The following F7 variants were observed in gnomAD, a reference collection of about 807,000 sequenced individuals.
The protein encoded by F7 is coagulation factor VII.
In F7, 38 loss-of-function variants were observed where a neutral mutation model predicts 47.5. The observed-to-expected ratio is 0.80, with a 90% CI of 0.62 to 1.05. The LOEUF is 1.05. F7 is among the 50% of genes least tolerant of loss of function. The pLI, the probability that F7 is intolerant of heterozygous loss-of-function variation, is 0.00. For missense variants in F7, 575 were observed against 605.4 expected, an observed-to-expected ratio of 0.95 and a Z score of 0.53; for synonymous variants, 244 against 258.5, an observed-to-expected ratio of 0.94 and a Z score of 0.54.
chr13:113,116,793 T>TGAA lies in F7; in HGVS notation c.533_534insGAA (p.Ile178delinsMetAsn). On this transcript the variant is annotated protein_altering_variant, in exon 6 of 8. Transcript: ENST00000346342. ...GAATATCCATGTGGAAAAATACCTA[T>TGAA]TCTAGAAAAAAGAAATGCCAGCAAA... The TGAA allele has an allele frequency of 6.2e-7, 1 of 1,613,894 alleles. No individual in the cohort carries two copies. Among genetic ancestry groups the TGAA allele is most frequent in the Non-Finnish European group, 8.5e-7 (1 of 1,179,946 alleles).
At chr13:113,116,625 G>A in intron 5 of F7, 141 bp from the exon 6 acceptor site, 1 of 714,182 alleles carries the variant, frequency 1.4e-6, no homozygotes, top group Non-Finnish European at 2.5e-6. Context: ...CCACCCCTGG[G>A]CCCTGGGAGC....
In F7 at chr13:113,119,257, T is replaced by C; in HGVS notation, c.*249T>C. 3.6e-6 allele frequency: 2 copies of C among 549,214 alleles called. No individual in the cohort carries two copies. The highest frequency in any genetic ancestry group is 3.0e-5 in the East Asian group (1 of 33,196). The allele number at this position is 549,214 out of a possible 1,614,324, so 34.0% of individuals were successfully genotyped here. A position where few individuals can be genotyped will look rare whatever the true frequency, so the allele number is the denominator to read the frequency against. Reference sequence around the variant, plus strand: ...AAAGAGACTAATAGAGACACAGAGATGGAATAGAAAAGATGAGAGGCAGAG... The same window carrying C: ...AAAGAGACTAATAGAGACACAGAGACGGAATAGAAAAGATGAGAGGCAGAG... On this transcript the variant is annotated 3_prime_UTR_variant, in exon 8 of 8. Transcript: ENST00000346342.
At chr13:113,110,588 G>A in intron 1 of F7, 102 bp from the exon 2 acceptor site, 3 of 1,483,032 alleles carry the variant, frequency 2.0e-6, no homozygotes, top group Non-Finnish European at 2.7e-6. Flanking sequence ...CCTCCAGGAC[G>A]GGCGGGAACC....
chr13:113,109,440 T>C (rs958303780), intron 1 of F7, among the ~76,000 whole-genome samples: 31 of 152,060 alleles, frequency 2.0e-4, no homozygotes, highest in African/African-American at 7.0e-4. Flanking sequence ...TCTAGGGGCG[T>C]CGACGTGTGA....
At chr13:113,106,869 G>A (rs760606639) in intron 1 of F7, 2 of 1,606,560 alleles carry the variant, frequency 1.2e-6, no homozygotes, top group South Asian at 1.1e-5. Context: ...GCCTCAGGAG[G>A]AGAAACACGG....
chr13:113,116,621 CT>C, intron 5 of F7, 144 bp from the exon 6 acceptor site: 1 of 702,418 alleles, frequency 1.4e-6, no homozygotes, highest in Non-Finnish European at 2.5e-6. Flanking sequence ...TCCACCACCC[CT>C]GGGCCCTGGG....
At chr13:113,106,145 G>C (rs2035948704) in intron 1 of F7, among the ~76,000 whole-genome samples, 1 of 148,356 alleles carries the variant, frequency 6.7e-6, no homozygotes, top group East Asian at 2.1e-4. Context: ...CTTTAGGAGT[G>C]GGTGGTGCTT....
chr13:113,117,279 G>A (rs1179580094), intron 6 of F7, among the ~76,000 whole-genome samples, 194 bp from the exon 7 acceptor site: 1 of 152,262 alleles, frequency 6.6e-6, no homozygotes, highest in Non-Finnish European at 1.5e-5. Context: ...CCAAGAGCAC[G>A]TCTCGGCTAG....
Position 113,113,880 on chromosome 13 carries a change from A to G in F7, c.284A>G (p.Asn95Ser). 6.2e-7 allele frequency: 1 copy of G among 1,614,148 alleles called. No individual in the cohort carries two copies. Among genetic ancestry groups the G allele is most frequent in the Non-Finnish European group, 8.5e-7 (1 of 1,180,022 alleles). Residue 95 changes from asparagine to serine, a missense_variant, in exon 4 of 8, where the codon AAT becomes AGT. Physicochemically the swap from Asn to Ser is conservative, Grantham distance 46. Transcript: ENST00000346342. This position sits in a 1 kb window ranked among gnomAD's most constrained non-coding sequence, Gnocchi z 4.1. Reference protein sequence around the residue: ...GDQCASSPCQNGGSCKDQLQS... With the variant: ...GDQCASSPCQSGGSCKDQLQS... ...CAGTGTGCCTCAAGTCCATGCCAGA[A>G]TGGGGGCTCCTGCAAGGACCAGCTC...
chr13:113,116,858 G>C lies in F7; in HGVS notation c.598G>C (p.Gly200Arg), dbSNP rs759024212. The change falls in exon 6 of 8, where the codon GGG (glycine) becomes CGG (arginine). Residue 200 changes from glycine to arginine, a missense_variant. Coordinates refer to ENST00000346342, the MANE Select transcript of F7 (RefSeq NM_019616.4). ...TGTGGGGGGCAAGGTGTGCCCCAAA[G>C]GGGAGTGTCCATGGCAGGTAAGGCT... ...RIVGGKVCPK[G>R]ECPWQVLLLV... is the part of the protein sequence containing the mutation. The C allele has an allele frequency of 2.5e-6, 4 of 1,613,554 alleles. No homozygotes were observed. In the Admixed American group the frequency reaches 6.7e-5, roughly 27 times the overall value.
intron 1 of F7, among the ~76,000 whole-genome samples, chr13:113,110,093 A>G (rs2142210594): frequency 6.6e-6 from 1 of 151,734 alleles, no homozygotes; most frequent in East Asian, 2.0e-4. Context: ...GTCGCGGGGG[A>G]CAGAGGGGCC....
At chr13:113,112,503 A>T (rs1308567498) in intron 2 of F7, among the ~76,000 whole-genome samples, 1 of 142,834 alleles carries the variant, frequency 7.0e-6, no homozygotes, top group Non-Finnish European at 1.5e-5. Context: ...GTCACACCTC[A>T]CACAGATCAT....
At position 113,117,459 on chromosome 13, in the gene F7, G is replaced by C. The variant is rs184529733; in HGVS notation, c.616-14G>C. On this transcript the variant is annotated splice_polypyrimidine_tract_variant and intron_variant, in intron 6 of 7. Transcript: ENST00000346342. ...CAGCAATGTGACTTCCACACCTCCT[G>C]TCCCCCCGCCCAGGTCCTGTTGTTG... is the stretch of plus-strand genomic sequence containing the variant. The C allele has an allele frequency of 1.2e-6, 2 of 1,613,546 alleles. No individual in the cohort carries two copies. Among genetic ancestry groups the C allele is most frequent in the East Asian group, 4.5e-5 (2 of 44,834 alleles).
chr13:113,110,620 G>A, intron 1 of F7, 70 bp from the exon 2 acceptor site: 1 of 1,538,476 alleles, frequency 6.5e-7, no homozygotes, highest in Non-Finnish European at 8.8e-7. Flanking sequence ...CGCCGCGTGG[G>A]CCGTGGGGCG....
intron 1 of F7, 136 bp from the exon 2 acceptor site, chr13:113,110,554 G>GC (rs981120046): frequency 2.0e-5 from 25 of 1,231,748 alleles, no homozygotes; most frequent in African/African-American, 3.0e-5. Flanking sequence ...ACCCAGCCAG[G>GC]CCCGCGAGCA....
intron 1 of F7, among the ~76,000 whole-genome samples, 179 bp downstream of exon 1, chr13:113,106,084 G>A (rs1375476708): frequency 6.6e-6 from 1 of 150,988 alleles, no homozygotes; most frequent in South Asian, 2.1e-4. Context: ...GGCACAGGAG[G>A]GGAGGCCCTT....
In F7 at chr13:113,110,913, G is replaced by A. The variant is rs187701219; in HGVS notation, c.225+63G>A. 31 of 1,520,770 alleles carry A rather than the reference G, an allele frequency of 2.0e-5. No homozygotes were observed. The East Asian group carries it at 6.6e-4, about 33-fold the overall frequency. The allele number at this position is 1,520,770 out of a possible 1,614,324, so 94.2% of individuals were successfully genotyped here. A position where few individuals can be genotyped will look rare whatever the true frequency, so the allele number is the denominator to read the frequency against. On this transcript the variant is annotated intron_variant, in intron 2 of 7. Transcript: ENST00000346342. The stretch of plus-strand genomic sequence containing the variant: ...TGCAGGCGGCGGTGAACCAGGCCGC[G>A]TGGGGCCGCCTGCGTCTCTTTGGCT...
chr13:113,110,504 G>A (rs1473321999), intron 1 of F7, 186 bp from the exon 2 acceptor site: 5 of 721,976 alleles, frequency 6.9e-6, no homozygotes, highest in Non-Finnish European at 2.2e-6. Flanking sequence ...GGAAGGATGG[G>A]CGACGGGGGT....
In F7 at chr13:113,115,721, C is replaced by G; in HGVS notation, c.426C>G (p.Asp142Glu). Residue 142 changes from aspartate to glutamate, a missense_variant, in exon 5 of 8, where the codon GAC (aspartate) becomes GAG (glutamate). Asp to Glu is a conservative substitution (Grantham distance 45). Transcript: ENST00000346342. ...ENGGCEQYCS[D>E]HTGTKRSCRC... Reference sequence around the variant, plus strand: ...GCGGCTGTGAGCAGTACTGCAGTGACCACACGGGCACCAAGCGCTCCTGTC... The same window carrying G: ...GCGGCTGTGAGCAGTACTGCAGTGAGCACACGGGCACCAAGCGCTCCTGTC... 1.2e-6 allele frequency: 2 copies of G among 1,613,104 alleles called. No homozygotes were observed. The highest frequency in any genetic ancestry group is 1.7e-6 in the Non-Finnish European group (2 of 1,179,998).
Sources: allele counts gnomAD v4.1 joint callset (sites outside exome capture counted in the v4.1 genomes callset), GRCh38; gene constraint gnomAD v4.1.1; non-coding constraint Gnocchi (gnomAD v3.1); transcripts MANE v1.5; gene names NCBI Gene and HGNC (gene_info 2026-07-23, HGNC 2026-07-21).